Variants in TNPO1 observed in about 807,000 individuals in gnomAD.
The protein encoded by TNPO1 is transportin 1.
TNPO1 carries 8 observed loss-of-function variants against 119.5 expected under a neutral mutation model. The ratio of observed to expected loss-of-function variants is 0.07; its 90% CI spans 0.04 to 0.12. The LOEUF is 0.12. Ranked by LOEUF, TNPO1 falls within the 10% of genes least tolerant of loss-of-function variation. TNPO1 has a pLI of 1.00. For synonymous variants in TNPO1, 362 were observed against 363.0 expected (o/e 1.00, Z 0.03); for missense variants, 576 against 1,089.8 (o/e 0.53, Z 6.64).
intron 1 of TNPO1, among the ~76,000 whole-genome samples, chr5:72,829,955 T>A (rs1487113666): frequency 6.6e-6 from 1 of 152,104 alleles, no homozygotes; most frequent in Non-Finnish European, 1.5e-5. Context: ...CATCCTTCCC[T>A]TGGCCTGATA....
In TNPO1 at chr5:72,848,836, C is replaced by T. The variant is rs1038537046; in HGVS notation, c.129+338C>T. Among the ~76,000 whole-genome samples, 483 of 150,456 alleles carry T rather than the reference C, an allele frequency of 3.2e-3. 2 individuals carry two copies. The highest frequency in any genetic ancestry group is 0.011 in the African/African-American group (457 of 41,348). ...CGCCACGTCCCCGCCCGCCGCTGAC[C>T]TGCCGCGGGGGTAGGGAGCGGGCGG... On this transcript the variant is annotated intron_variant, in intron 2 of 24. Coordinates refer to ENST00000337273, the MANE Select transcript of TNPO1 (RefSeq NM_002270.4).
chr5:72,862,133 C>T (rs761539949), intron 5 of TNPO1, among the ~76,000 whole-genome samples: 10 of 152,104 alleles, frequency 6.6e-5, no homozygotes, highest in South Asian at 2.1e-4. Flanking sequence ...CACACAAGGA[C>T]GTATCTTGCT....
chr5:72,903,754 A>C lies in TNPO1; in HGVS notation c.2560A>C (p.Lys854Gln). 6.2e-7 allele frequency: 1 copy of C among 1,609,166 alleles called. No individual in the cohort carries two copies. The highest frequency in any genetic ancestry group is 8.5e-7 in the Non-Finnish European group (1 of 1,177,708). The change falls in exon 23 of 25, where the codon AAA (lysine) becomes CAA (glutamine). Residue 854 changes from lysine to glutamine, a missense_variant. By Grantham distance (53) the Lys-to-Gln change is moderately conservative. This residue lies in a region of TNPO1 where 162 missense variants were observed against 294.1 expected (regional missense o/e 0.55). Transcript: ENST00000337273. ...TGCCGTTGCATCATGGATTAACCCA[A>C]AAGATGATCTCAGAGACATGTTCTG... ...CDAVASWINP[K>Q]DDLRDMFCKI... is the part of the protein sequence containing the mutation.
intron 1 of TNPO1, 35 bp downstream of exon 1, chr5:72,816,787 A>G: frequency 6.4e-7 from 1 of 1,572,244 alleles, no homozygotes; most frequent in Non-Finnish European, 8.6e-7. Flanking sequence ...CCCGAACTGC[A>G]GGGGCGGGAA....
chr5:72,909,990 A>G lies in TNPO1; in HGVS notation c.*1317A>G, dbSNP rs1224483621. ...ATCTGTAAAAGGCTGCATAAATGTT[A>G]GTTGGCACATAAAGACAATTGTAGA... On this transcript the variant is annotated 3_prime_UTR_variant, in exon 25 of 25. Transcript: ENST00000337273. The G allele has an allele frequency of 6.6e-6, 1 of 152,670 alleles. No individual in the cohort carries two copies. Among genetic ancestry groups the G allele is most frequent in the Non-Finnish European group, 1.5e-5 (1 of 68,036 alleles). 9.5% of individuals were successfully genotyped at this position (152,670 alleles called of 1,614,324 possible).
At chr5:72,854,759 T>C (rs932607676) in intron 3 of TNPO1, among the ~76,000 whole-genome samples, 3 of 152,364 alleles carry the variant, frequency 2.0e-5, no homozygotes, top group Non-Finnish European at 4.4e-5. Context: ...TCTACTAGTA[T>C]TAAGTAGCTT....
At chr5:72,878,801 A>G (rs1395405040) in intron 9 of TNPO1, 12 of 335,986 alleles carry the variant, frequency 3.6e-5, no homozygotes, top group African/African-American at 2.6e-4. Context: ...TTTTATAAAA[A>G]CTGCAGAGAT....
At chr5:72,845,811 G>A (rs1745101174) in intron 1 of TNPO1, among the ~76,000 whole-genome samples, 1 of 145,140 alleles carries the variant, frequency 6.9e-6, no homozygotes, top group African/African-American at 2.7e-5. Context: ...GGATGGATGT[G>A]ATAATGAAGA....
intron 11 of TNPO1, among the ~76,000 whole-genome samples, chr5:72,883,509 G>A (rs934754186): frequency 3.9e-5 from 6 of 152,130 alleles, no homozygotes; most frequent in Non-Finnish European, 7.4e-5. Context: ...TCATGTAAAT[G>A]GAGTCATACA....
intron 1 of TNPO1, among the ~76,000 whole-genome samples, chr5:72,819,602 C>T (rs1028408170): frequency 1.3e-5 from 2 of 152,114 alleles, no homozygotes; most frequent in Admixed American, 1.3e-4. Context: ...AAAAGACACT[C>T]CATGCCAGAG....
chr5:72,872,919 T>A lies in TNPO1; in HGVS notation c.678+199T>A, dbSNP rs116147864. Among the ~76,000 whole-genome samples the A allele has an allele frequency of 9.6e-3, 1,459 of 152,280 alleles. 28 individuals are homozygous for A. The highest frequency in any genetic ancestry group is 0.033 in the African/African-American group (1,383 of 41,558). ...CTTTTGTTAGCTGAGAAGGCACTTT[T>A]ACTAATTTTTCTACTTGTATCATTC... On this transcript the variant is annotated intron_variant, in intron 7 of 24. Transcript: ENST00000337273.
chr5:72,903,969 CTTATCTG>C (rs1749961724), intron 23 of TNPO1, among the ~76,000 whole-genome samples, 186 bp downstream of exon 23: 1 of 152,190 alleles, frequency 6.6e-6, no homozygotes, highest in Non-Finnish European at 1.5e-5. Flanking sequence ...AGCAGTGACT[CTTATCTG>C]TAGAGGATGC....
chr5:72,891,544 A>T (rs1415861194), intron 14 of TNPO1, among the ~76,000 whole-genome samples: 1 of 152,154 alleles, frequency 6.6e-6, no homozygotes, highest in South Asian at 2.1e-4. Context: ...GTGTTTATTG[A>T]TAGACTCTTT....
At chr5:72,855,738 A>G (rs770612480) in intron 3 of TNPO1, 36 bp from the exon 4 acceptor site, 20 of 1,521,336 alleles carry the variant, frequency 1.3e-5, no homozygotes, top group Non-Finnish European at 1.6e-5. Flanking sequence ...AATTAAGACT[A>G]CTTCAAAACT....
intron 7 of TNPO1, 87 bp downstream of exon 7, chr5:72,872,807 T>G (rs1199362463): frequency 5.9e-6 from 4 of 681,046 alleles, no homozygotes; most frequent in Non-Finnish European, 7.2e-6. Flanking sequence ...TAGTTTTGCT[T>G]TAAAACAAGA....
intron 3 of TNPO1, among the ~76,000 whole-genome samples, chr5:72,854,470 G>T (rs1216117631): frequency 1.3e-5 from 2 of 152,140 alleles, no homozygotes; most frequent in Non-Finnish European, 2.9e-5. Context: ...AATAAGACGG[G>T]TAAAACAATG....
rs200118076 is a variant in TNPO1, at chr5:72,870,158, C to CTTTTTTTT, written c.597-2469_597-2462dup. ...ATAGTCATTTTCACAATACTAATTG[C>CTTTTTTTT]TTTTTTTTTTTTTTTTTTTGAGACG... On this transcript the variant is annotated intron_variant, in intron 6 of 24. Coordinates refer to ENST00000337273, the MANE Select transcript of TNPO1 (RefSeq NM_002270.4). Among the ~76,000 whole-genome samples the CTTTTTTTT allele has an allele frequency of 1.6e-4, 17 of 106,168 alleles. 1 individual carries two copies. The highest frequency in any genetic ancestry group is 6.1e-3 in the Middle Eastern group (1 of 164). 69.7% of individuals were successfully genotyped at this position (106,168 alleles called of 152,430 possible).
At chr5:72,855,309 A>G (rs369887277) in intron 3 of TNPO1, among the ~76,000 whole-genome samples, 39 of 152,200 alleles carry the variant, frequency 2.6e-4, no homozygotes, top group African/African-American at 8.7e-4. Flanking sequence ...TTAATAGGAT[A>G]TGTTTAAGAC....
intron 1 of TNPO1, among the ~76,000 whole-genome samples, chr5:72,822,590 CTTTTTTT>C (rs766069525): frequency 7.5e-6 from 1 of 132,928 alleles, no homozygotes; most frequent in Admixed American, 7.6e-5. Context: ...AAGTTCTACA[CTTTTTTT>C]TTTTTTTTTT....
Sources: allele counts gnomAD v4.1 joint callset (sites outside exome capture counted in the v4.1 genomes callset), GRCh38; gene constraint gnomAD v4.1.1; regional missense constraint gnomAD v4.1.1; transcripts MANE v1.5; gene names NCBI Gene and HGNC (gene_info 2026-07-23, HGNC 2026-07-21).